ATXN8OS: variants seen among roughly 807,000 people sequenced by gnomAD.
ATXN8OS encodes ATXN8 opposite strand (non-protein coding).
chr13:70,131,702 A>T (rs1457680633), intron 3 of ATXN8OS, among the ~76,000 whole-genome samples: 1 of 152,098 alleles, frequency 6.6e-6, no homozygotes, highest in Non-Finnish European at 1.5e-5. Flanking sequence ...CCCTTGCTGT[A>T]TACTTTCATA....
chr13:70,120,613 A>G (rs1174833434), intron 2 of ATXN8OS, among the ~76,000 whole-genome samples: 1 of 152,186 alleles, frequency 6.6e-6, no homozygotes, highest in Non-Finnish European at 1.5e-5. Context: ...ACCGTAAAGA[A>G]CTAAACAATA....
chr13:70,123,574 T>A (rs1009414072), intron 2 of ATXN8OS, among the ~76,000 whole-genome samples: 2 of 152,034 alleles, frequency 1.3e-5, no homozygotes, highest in Non-Finnish European at 2.9e-5. Flanking sequence ...TTAGAAAAGA[T>A]CTGAAAATAC....
chr13:70,170,735 T>C (rs1889134894), exon 5 of ATXN8OS, among the ~76,000 whole-genome samples: 1 of 152,284 alleles, frequency 6.6e-6, no homozygotes, highest in Admixed American at 6.5e-5. Flanking sequence ...CAGTCACGCA[T>C]CATTTAACGA....
chr13:70,112,007 A>G (rs1473486776), intron 1 of ATXN8OS, among the ~76,000 whole-genome samples: 4 of 152,228 alleles, frequency 2.6e-5, no homozygotes, highest in African/African-American at 4.8e-5. Context: ...ATCAGCTCAC[A>G]GTTCTGCAGA....
chr13:70,110,427 G>A (rs1801891276), intron 1 of ATXN8OS, among the ~76,000 whole-genome samples: 1 of 151,876 alleles, frequency 6.6e-6, no homozygotes, highest in Non-Finnish European at 1.5e-5. Flanking sequence ...AAACTGAAAT[G>A]ACTGACAAAG....
intron 4 of ATXN8OS, among the ~76,000 whole-genome samples, chr13:70,169,487 G>A (rs1032995696): frequency 6.6e-6 from 1 of 151,992 alleles, no homozygotes; most frequent in East Asian, 1.9e-4. Context: ...GTAGAGACGG[G>A]GTTTCACCAT....
intron 3 of ATXN8OS, among the ~76,000 whole-genome samples, chr13:70,140,691 C>T (rs1197215780): frequency 6.6e-6 from 1 of 152,110 alleles, no homozygotes; most frequent in African/African-American, 2.4e-5. Context: ...ATCTCTTCTG[C>T]AGATGAACTT....
intron 1 of ATXN8OS, among the ~76,000 whole-genome samples, chr13:70,111,269 C>T (rs1888195552): frequency 6.6e-6 from 1 of 152,144 alleles, no homozygotes; most frequent in South Asian, 2.1e-4. Context: ...TGTTTTAGTC[C>T]ATTATCTGTT....
chr13:70,111,734 T>C (rs1253878283), intron 1 of ATXN8OS, among the ~76,000 whole-genome samples: 1 of 152,186 alleles, frequency 6.6e-6, no homozygotes, highest in Non-Finnish European at 1.5e-5. Context: ...ATGTATACTT[T>C]TCCAGGAAAA....
chr13:70,165,897 G>T lies in ATXN8OS; in HGVS notation n.574-3856G>T, dbSNP rs541016509. Among the ~76,000 whole-genome samples, 7 of 152,100 alleles carry T rather than the reference G, an allele frequency of 4.6e-5. No homozygotes were observed. In the South Asian group the frequency reaches 1.5e-3, roughly 32 times the overall value. ...AATAATACAATGAATAATGGTGTCT[G>T]CAGTAACAGCACAGAAAGTAAAATA... On this transcript the variant is annotated intron_variant and non_coding_transcript_variant, in intron 4 of 4. Transcript: ENST00000678624.
At chr13:70,156,342 G>A (rs1371881547) in intron 4 of ATXN8OS, among the ~76,000 whole-genome samples, 4 of 151,956 alleles carry the variant, frequency 2.6e-5, no homozygotes, top group Non-Finnish European at 5.9e-5. Flanking sequence ...GATTTGAGAA[G>A]TGATTTGGAA....
At chr13:70,125,515 GGTTT>G (rs754977330) in intron 2 of ATXN8OS, among the ~76,000 whole-genome samples, 15 of 152,052 alleles carry the variant, frequency 9.9e-5, no homozygotes, top group Non-Finnish European at 2.1e-4. Flanking sequence ...TATTTCTCCA[GGTTT>G]GTTTGTTCGA....
intron 4 of ATXN8OS, among the ~76,000 whole-genome samples, chr13:70,153,782 C>T (rs553047086): frequency 4.6e-5 from 7 of 151,988 alleles, no homozygotes; most frequent in Non-Finnish European, 1.0e-4. Flanking sequence ...CAGGCTCCCG[C>T]GATCCACCCA....
intron 4 of ATXN8OS, among the ~76,000 whole-genome samples, chr13:70,169,132 A>C (rs1889113594): frequency 6.6e-6 from 1 of 152,170 alleles, no homozygotes. Context: ...ATGGAATTTA[A>C]ATTCAGTAAA....
intron 3 of ATXN8OS, among the ~76,000 whole-genome samples, chr13:70,137,768 C>T (rs1888637922): frequency 6.6e-6 from 1 of 152,088 alleles, no homozygotes; most frequent in Non-Finnish European, 1.5e-5. Context: ...AAAATAACTA[C>T]TTAATACTTA....
chr13:70,116,840 G>A (rs570109639), intron 2 of ATXN8OS, among the ~76,000 whole-genome samples: 2 of 152,116 alleles, frequency 1.3e-5, no homozygotes, highest in East Asian at 3.9e-4. Context: ...GCATTCATAG[G>A]GAATCGATTT....
At chr13:70,155,554 T>A (rs545370616) in intron 4 of ATXN8OS, among the ~76,000 whole-genome samples, 98 of 152,242 alleles carry the variant, frequency 6.4e-4, no homozygotes, top group Middle Eastern at 3.4e-3. Context: ...TCATAAAGCT[T>A]CTCTCTATTT....
At chr13:70,151,336 A>T (rs530211429) in intron 4 of ATXN8OS, among the ~76,000 whole-genome samples, 2 of 152,206 alleles carry the variant, frequency 1.3e-5, no homozygotes, top group South Asian at 4.1e-4. Flanking sequence ...ACATTCTATT[A>T]TCTGCTTCTG....
At chr13:70,142,654 GC>G (rs1694209095) in intron 3 of ATXN8OS, among the ~76,000 whole-genome samples, 1 of 152,150 alleles carries the variant, frequency 6.6e-6, no homozygotes, top group Non-Finnish European at 1.5e-5. Flanking sequence ...TAACTAGATA[GC>G]CTAGATCTTA....
Sources: gnomAD v4.1 joint callset for allele counts (sites outside exome capture counted in the v4.1 genomes callset) on GRCh38, gnomAD v4.1.1 for gene constraint, MANE v1.5 for transcripts, NCBI Gene and HGNC (gene_info 2026-07-23, HGNC 2026-07-21) for gene names.